Variants in PRUNE2 observed in about 807,000 individuals in gnomAD.
PRUNE2 encodes protein prune homolog 2.
Under a neutral mutation model 252.0 loss-of-function variants are expected in PRUNE2, and 164 were observed. The ratio of observed to expected loss-of-function variants is 0.65; its 90% CI spans 0.57 to 0.74. PRUNE2 has a LOEUF of 0.74. Ranked by LOEUF, PRUNE2 falls within the 30% of genes least tolerant of loss-of-function variation. PRUNE2 has a pLI of 0.00. For missense variants in PRUNE2, 3,495 were observed against 3,711.0 expected, an observed-to-expected ratio of 0.94 and a Z score of 1.51; for synonymous variants, 1,292 against 1,350.2, an observed-to-expected ratio of 0.96 and a Z score of 0.94.
chr9:76,703,255 T>C, intron 9 of PRUNE2, 82 bp downstream of exon 9: 1 of 1,290,058 alleles, frequency 7.8e-7, no homozygotes, highest in African/African-American at 1.5e-5. Context: ...GTATTCCTCA[T>C]ATTCCATAAC....
intron 6 of PRUNE2, chr9:76,738,586 T>C (rs911184822): frequency 6.6e-6 from 1 of 152,208 alleles, no homozygotes; most frequent in Non-Finnish European, 1.5e-5. Context: ...TGGATAAAGT[T>C]GGTCTAGCAT....
chr9:76,886,006 C>T (rs552406232), intron 1 of PRUNE2, among the ~76,000 whole-genome samples: 84 of 151,116 alleles, frequency 5.6e-4, no homozygotes, highest in Non-Finnish European at 1.1e-3. Flanking sequence ...GGCGAAACCC[C>T]GTCTCTACTA....
At chr9:76,647,604 G>C (rs968944010) in intron 11 of PRUNE2, among the ~76,000 whole-genome samples, 8 of 152,128 alleles carry the variant, frequency 5.3e-5, no homozygotes, top group Non-Finnish European at 1.0e-4. Flanking sequence ...CACAGACTGG[G>C]AGAAAACATT....
chr9:76,640,896 C>T (rs1842306244), intron 12 of PRUNE2, among the ~76,000 whole-genome samples: 1 of 152,238 alleles, frequency 6.6e-6, no homozygotes, highest in South Asian at 2.1e-4. Flanking sequence ...ATGTAGCAAT[C>T]TGGCTCCAGA....
intron 17 of PRUNE2, among the ~76,000 whole-genome samples, chr9:76,622,885 A>T (rs1321459219): frequency 6.6e-6 from 1 of 152,248 alleles, no homozygotes; most frequent in South Asian, 2.1e-4. Flanking sequence ...CACTAATGCT[A>T]AACTTTCTAA....
chr9:76,697,761 T>G (rs1008292921), intron 9 of PRUNE2, among the ~76,000 whole-genome samples: 3 of 152,226 alleles, frequency 2.0e-5, no homozygotes, highest in African/African-American at 7.2e-5. Flanking sequence ...CCTCACCACT[T>G]TCTCATTTCT....
At chr9:76,766,285 G>C (rs1460404257) in intron 6 of PRUNE2, among the ~76,000 whole-genome samples, 1 of 151,924 alleles carries the variant, frequency 6.6e-6, no homozygotes, top group Non-Finnish European at 1.5e-5. Flanking sequence ...AGCTTCAGGG[G>C]ATACCATATG....
Position 76,706,558 on chromosome 9 carries a change from G to A in PRUNE2, c.5716C>T (p.Gln1906Ter). Residue 1906 changes from glutamine to a stop codon, truncating the protein, a stop_gained, in exon 8 of 19, where the codon CAA becomes TAA. Transcript: ENST00000376718. LOFTEE classifies it high-confidence loss of function. Reference sequence around the variant, plus strand: ...TGCCTTGGTTGAATGTTCCAGAGTTGCTCATGGGAGTTCTTCCCATTACCT... The same window carrying A: ...TGCCTTGGTTGAATGTTCCAGAGTTACTCATGGGAGTTCTTCCCATTACCT... Reference protein sequence around the residue: ...LEGNGKNSHEQLWNIQPRQPD... With the variant: ...LEGNGKNSHE 10 of 1,613,936 alleles carry A rather than the reference G, an allele frequency of 6.2e-6. No individual in the cohort carries two copies. Among genetic ancestry groups the A allele is most frequent in the Non-Finnish European group, 8.5e-6 (10 of 1,179,870 alleles).
At chr9:76,704,236 T>C in intron 8 of PRUNE2, 137 bp from the exon 9 acceptor site, 1 of 428,350 alleles carries the variant, frequency 2.3e-6, no homozygotes, top group Non-Finnish European at 3.6e-6. Flanking sequence ...TATTCATTCA[T>C]TCATTTGAGA....
At chr9:76,731,463 A>G (rs1275170684) in intron 6 of PRUNE2, among the ~76,000 whole-genome samples, 1 of 151,682 alleles carries the variant, frequency 6.6e-6, no homozygotes, top group Non-Finnish European at 1.5e-5. Flanking sequence ...GCTGGACTGC[A>G]GGCACACACC....
intron 15 of PRUNE2, among the ~76,000 whole-genome samples, chr9:76,629,521 G>A (rs1420345751): frequency 6.6e-6 from 1 of 151,206 alleles, no homozygotes; most frequent in African/African-American, 2.4e-5. Context: ...ATGTAAAAAA[G>A]TATAACATGA....
intron 1 of PRUNE2, among the ~76,000 whole-genome samples, chr9:76,858,070 C>T (rs1291133086): frequency 6.6e-6 from 1 of 152,122 alleles, no homozygotes; most frequent in Admixed American, 6.6e-5. Flanking sequence ...CACAAACAGA[C>T]AAATCATGCC....
chr9:76,802,824 G>T (rs943649818), intron 6 of PRUNE2, among the ~76,000 whole-genome samples: 11 of 152,058 alleles, frequency 7.2e-5, no homozygotes, highest in African/African-American at 2.7e-4. Context: ...AAGAGTAAAG[G>T]TTGTTTTCCC....
intron 9 of PRUNE2, among the ~76,000 whole-genome samples, chr9:76,681,782 T>G (rs1047630638): frequency 2.0e-5 from 3 of 152,176 alleles, no homozygotes; most frequent in Non-Finnish European, 2.9e-5. Context: ...GAATGTCACA[T>G]AAAACACTTG....
At chr9:76,692,749 C>T (rs2044906576) in intron 9 of PRUNE2, 1 of 152,708 alleles carries the variant, frequency 6.5e-6, no homozygotes, top group Non-Finnish European at 1.5e-5. Context: ...CAAGTGTGGA[C>T]GTTACTAAAC....
chr9:76,663,819 ATAACCT>A (rs1398989346), intron 9 of PRUNE2, among the ~76,000 whole-genome samples: 3 of 152,170 alleles, frequency 2.0e-5, no homozygotes, highest in Non-Finnish European at 4.4e-5. Context: ...TATTTTTCCT[ATAACCT>A]TAAGATCTAT....
At chr9:76,666,072 G>A (rs1357004703) in intron 9 of PRUNE2, among the ~76,000 whole-genome samples, 1 of 152,200 alleles carries the variant, frequency 6.6e-6, no homozygotes, top group Non-Finnish European at 1.5e-5. Flanking sequence ...GATAGGAGCT[G>A]AGGGGACATA....
intron 6 of PRUNE2, among the ~76,000 whole-genome samples, chr9:76,800,993 A>T (rs1328319632): frequency 6.6e-6 from 1 of 152,234 alleles, no homozygotes; most frequent in East Asian, 1.9e-4. Flanking sequence ...AAATTTAGAG[A>T]AGCCTAACTA....
intron 14 of PRUNE2, among the ~76,000 whole-genome samples, 173 bp from the exon 15 acceptor site, chr9:76,636,730 G>GAGTT (rs1840225777): frequency 6.6e-6 from 1 of 152,010 alleles, no homozygotes; most frequent in South Asian, 2.1e-4. Flanking sequence ...CTGAGGTCAG[G>GAGTT]AGTTTGAGAC....
Sources: gnomAD v4.1 joint callset for allele counts (sites outside exome capture counted in the v4.1 genomes callset) on GRCh38, gnomAD v4.1.1 for gene constraint, MANE v1.5 for transcripts, NCBI Gene and HGNC (gene_info 2026-07-23, HGNC 2026-07-21) for gene names.